The following IRAK2 variants were observed in gnomAD, a reference collection of about 807,000 sequenced individuals.
IRAK2 encodes interleukin 1 receptor associated kinase 2.
IRAK2 carries 57 observed loss-of-function variants against 72.0 expected under a neutral mutation model. That is an observed-to-expected ratio of 0.79 (90% CI 0.64 to 0.99). The LOEUF (loss-of-function observed/expected upper bound fraction) is 0.99. Among genes scored for constraint, IRAK2 ranks in the 50% least tolerant of loss-of-function variants. IRAK2 has a pLI of 0.00. For missense variants in IRAK2, 790 were observed against 794.4 expected (o/e 0.99, Z 0.07); for synonymous variants, 293 against 312.7 (o/e 0.94, Z 0.67).
chr3:10,200,698 A>G (rs1012040597), intron 3 of IRAK2, among the ~76,000 whole-genome samples, 183 bp downstream of exon 3: 1 of 152,118 alleles, frequency 6.6e-6, no homozygotes, highest in Non-Finnish European at 1.5e-5. Context: ...GGAGTTTGAG[A>G]CCAGCCTAGG....
chr3:10,235,885 A>G (rs1311786165), intron 11 of IRAK2, among the ~76,000 whole-genome samples: 3 of 152,152 alleles, frequency 2.0e-5, no homozygotes, highest in Non-Finnish European at 4.4e-5. Context: ...TGGAGGCTTC[A>G]GTCTTTGTTC....
At chr3:10,180,042 TGA>T (rs1379368688) in intron 2 of IRAK2, among the ~76,000 whole-genome samples, 1 of 152,180 alleles carries the variant, frequency 6.6e-6, no homozygotes, top group African/African-American at 2.4e-5. Flanking sequence ...TACCCTCCTC[TGA>T]GAGAACAGGA....
chr3:10,226,049 CGTGT>C (rs1352957962), intron 9 of IRAK2, among the ~76,000 whole-genome samples: 2 of 152,084 alleles, frequency 1.3e-5, no homozygotes, highest in African/African-American at 2.4e-5. Flanking sequence ...TGTATATATA[CGTGT>C]GTGTGTATCT....
At chr3:10,186,065 G>A (rs943156715) in intron 2 of IRAK2, among the ~76,000 whole-genome samples, 7 of 150,098 alleles carry the variant, frequency 4.7e-5, no homozygotes, top group South Asian at 4.1e-4. Flanking sequence ...GCAAGACTCC[G>A]TCTCAACAAC....
At chr3:10,206,561 T>G (rs1023107246) in intron 3 of IRAK2, among the ~76,000 whole-genome samples, 2 of 151,472 alleles carry the variant, frequency 1.3e-5, no homozygotes, top group African/African-American at 4.9e-5. Context: ...AAATTTTTTG[T>G]TTTTTGTTTT....
At chr3:10,212,328 A>G (rs150971503) in intron 4 of IRAK2, among the ~76,000 whole-genome samples, 6 of 150,956 alleles carry the variant, frequency 4.0e-5, no homozygotes, top group Non-Finnish European at 8.9e-5. Context: ...CTCATCAGCT[A>G]TCATTAGTAT....
intron 1 of IRAK2, among the ~76,000 whole-genome samples, chr3:10,167,255 C>T (rs1171887120): frequency 2.0e-5 from 3 of 152,230 alleles, no homozygotes; most frequent in East Asian, 3.9e-4. Context: ...ACTCTGTACC[C>T]GTTAACTTCC....
At chr3:10,221,641 C>T (rs1697695080) in intron 8 of IRAK2, among the ~76,000 whole-genome samples, 1 of 151,820 alleles carries the variant, frequency 6.6e-6, no homozygotes, top group Non-Finnish European at 1.5e-5. Flanking sequence ...AGCTTCCCAC[C>T]TTAGCCTCCC....
chr3:10,242,497 G>A lies in IRAK2; in HGVS notation c.*269G>A. 4.4e-6 allele frequency: 1 copy of A among 228,904 alleles called. No homozygotes were observed. 14.2% of individuals were successfully genotyped at this position (228,904 alleles called of 1,614,324 possible). A position where few individuals can be genotyped will look rare whatever the true frequency, so the allele number is the denominator to read the frequency against. Reference sequence around the variant, plus strand: ...CAGAGGAGACTGAAGCAGAAACCCTGCACACGGGCCCAGGATGTGGCTGAT... The same window carrying A: ...CAGAGGAGACTGAAGCAGAAACCCTACACACGGGCCCAGGATGTGGCTGAT... On this transcript the variant is annotated 3_prime_UTR_variant, in exon 13 of 13. Transcript: ENST00000256458.
chr3:10,219,792 G>A lies in IRAK2; in HGVS notation c.1013+3G>A, dbSNP rs1325247276. 2 of 1,606,112 alleles carry A rather than the reference G, an allele frequency of 1.2e-6. No individual in the cohort carries two copies. Among genetic ancestry groups the A allele is most frequent in the Non-Finnish European group, 1.7e-6 (2 of 1,172,938 alleles). On this transcript the variant is annotated splice_donor_region_variant and intron_variant, in intron 8 of 12. Coordinates refer to ENST00000256458, the MANE Select transcript of IRAK2 (RefSeq NM_001570.4). ...ATCATCCACAGCAACGTCAAGAGGT[G>A]AGAGAGGTGGGCTGGACCCTGCTGG...
At chr3:10,206,717 G>A (rs375224636) in intron 3 of IRAK2, among the ~76,000 whole-genome samples, 6 of 152,134 alleles carry the variant, frequency 3.9e-5, no homozygotes, top group Admixed American at 2.0e-4. Flanking sequence ...CACCATGCCC[G>A]GCTAATTTTT....
At chr3:10,184,723 G>GTGT (rs1559441159) in intron 2 of IRAK2, among the ~76,000 whole-genome samples, 2 of 102,026 alleles carry the variant, frequency 2.0e-5, no homozygotes, top group Non-Finnish European at 3.7e-5. Flanking sequence ...GTTTTTGTGT[G>GTGT]TTTTTTTTTT....
chr3:10,239,066 G>T, intron 12 of IRAK2, 27 bp downstream of exon 12: 6 of 1,552,466 alleles, frequency 3.9e-6, no homozygotes, highest in Non-Finnish European at 5.2e-6. Context: ...AGTGCATTTG[G>T]ATGCTCATGT....
intron 1 of IRAK2, among the ~76,000 whole-genome samples, chr3:10,168,764 C>A (rs1284421356): frequency 6.6e-6 from 1 of 152,212 alleles, no homozygotes; most frequent in African/African-American, 2.4e-5. Context: ...TCTTCTTCCA[C>A]ACCCACTGTC....
intron 9 of IRAK2, among the ~76,000 whole-genome samples, chr3:10,224,666 ATT>A: frequency 7.2e-6 from 1 of 137,996 alleles, no homozygotes; most frequent in Admixed American, 7.3e-5. Flanking sequence ...TCATCCATCC[ATT>A]CACCCTCCCA....
chr3:10,200,894 C>A (rs1164669650), intron 3 of IRAK2, among the ~76,000 whole-genome samples: 1 of 152,114 alleles, frequency 6.6e-6, no homozygotes, highest in African/African-American at 2.4e-5. Flanking sequence ...GAGCGAGACT[C>A]TTCCTAAAGA....
intron 2 of IRAK2, among the ~76,000 whole-genome samples, chr3:10,199,642 G>A (rs1441201500): frequency 2.6e-5 from 4 of 152,160 alleles, no homozygotes; most frequent in African/African-American, 9.7e-5. Flanking sequence ...CCGCTCACGT[G>A]TTCAGGGAAA....
chr3:10,170,266 C>G (rs936056072), intron 1 of IRAK2, among the ~76,000 whole-genome samples: 1 of 152,186 alleles, frequency 6.6e-6, no homozygotes, highest in African/African-American at 2.4e-5. Context: ...ATGTTCTGGC[C>G]TCCCCCTTAC....
chr3:10,174,492 C>T (rs1227165111), intron 1 of IRAK2, among the ~76,000 whole-genome samples: 2 of 152,044 alleles, frequency 1.3e-5, no homozygotes, highest in East Asian at 1.9e-4. Context: ...TTCTTCTACT[C>T]GGCCCACCTA....
Sources: allele counts gnomAD v4.1 joint callset (sites outside exome capture counted in the v4.1 genomes callset), GRCh38; gene constraint gnomAD v4.1.1; transcripts MANE v1.5; gene names NCBI Gene and HGNC (gene_info 2026-07-23, HGNC 2026-07-21).